Variants in IL1RAPL2 observed in about 807,000 individuals in gnomAD.
IL1RAPL2 encodes the protein X-linked interleukin-1 receptor accessory protein-like 2.
IL1RAPL2 carries 3 observed loss-of-function variants against 44.1 expected under a neutral mutation model. That is an observed-to-expected ratio of 0.07 (90% CI 0.03 to 0.18). The LOEUF (loss-of-function observed/expected upper bound fraction) is 0.18. Among genes scored for constraint, IL1RAPL2 ranks in the 10% least tolerant of loss-of-function variants. The pLI is 1.00. For synonymous variants in IL1RAPL2, 181 were observed against 178.8 expected (o/e 1.01, Z -0.10); for missense variants, 391 against 496.4 (o/e 0.79, Z 2.02).
In IL1RAPL2 at chrX:105,455,573, A is replaced by G. The variant is rs1352020842; in HGVS notation, c.698-28740A>G. Among the ~76,000 whole-genome samples, 7 of 112,109 alleles carry G rather than the reference A, an allele frequency of 6.2e-5. No individual in the cohort carries two copies. In the Admixed American group the frequency reaches 6.6e-4, roughly 11 times the overall value. On this transcript the variant is annotated intron_variant, in intron 5 of 10. Transcript: ENST00000372582. ...ATTATCCCAGCATCATTTGTTGAAC[A>G]GGGAATCTTTTCCCCATTGCTTGTT...
intron 6 of IL1RAPL2, among the ~76,000 whole-genome samples, chrX:105,545,220 T>A (rs1478159007): frequency 8.9e-6 from 1 of 112,196 alleles, no homozygotes; most frequent in Non-Finnish European, 1.9e-5. Flanking sequence ...AGGTCTTCCT[T>A]TAGTATTTCT....
At chrX:105,015,235 C>A (rs12036043) in intron 2 of IL1RAPL2, among the ~76,000 whole-genome samples, 2 of 110,211 alleles carry the variant, frequency 1.8e-5, no homozygotes, top group Non-Finnish European at 3.8e-5. Context: ...GGATAGATTG[C>A]AAAAATTTTC....
chrX:105,164,573 CTT>C (rs2033355707), intron 2 of IL1RAPL2, among the ~76,000 whole-genome samples: 1 of 112,420 alleles, frequency 8.9e-6, no homozygotes, highest in South Asian at 3.7e-4. Context: ...CAAGAGCTCT[CTT>C]AAGTTATTGC....
intron 1 of IL1RAPL2, among the ~76,000 whole-genome samples, chrX:104,635,718 A>C (rs1929785830): frequency 9.0e-6 from 1 of 110,748 alleles, no homozygotes; most frequent in Non-Finnish European, 1.9e-5. Flanking sequence ...ACTTCTCTGC[A>C]TTGGTTATTC....
At chrX:105,556,324 C>T (rs1364320692) in intron 6 of IL1RAPL2, among the ~76,000 whole-genome samples, 3 of 111,646 alleles carry the variant, frequency 2.7e-5, no homozygotes, top group Non-Finnish European at 5.7e-5. Context: ...GGTAGTACCA[C>T]CATTTAATGT....
chrX:105,444,260 A>G (rs2035940091), intron 5 of IL1RAPL2, among the ~76,000 whole-genome samples: 1 of 111,586 alleles, frequency 9.0e-6, no homozygotes, highest in African/African-American at 3.3e-5. Context: ...TCAGATGGGT[A>G]ATTTGCAAAT....
intron 5 of IL1RAPL2, among the ~76,000 whole-genome samples, chrX:105,404,184 C>G (rs904997087): frequency 1.8e-5 from 2 of 111,869 alleles, no homozygotes; most frequent in African/African-American, 6.5e-5. Flanking sequence ...GTTCCTCCAA[C>G]CACAGAGATG....
At chrX:104,602,611 T>A (rs1928907374) in intron 1 of IL1RAPL2, among the ~76,000 whole-genome samples, 1 of 111,095 alleles carries the variant, frequency 9.0e-6, no homozygotes, top group African/African-American at 3.3e-5. Flanking sequence ...ACAGCAGCAG[T>A]CTGAGATCGA....
chrX:105,380,838 G>A (rs1425604532), intron 5 of IL1RAPL2, among the ~76,000 whole-genome samples: 1 of 111,200 alleles, frequency 9.0e-6, no homozygotes, highest in Non-Finnish European at 1.9e-5. Context: ...CTTCCTCTGA[G>A]GCTGTAGTGT....
intron 2 of IL1RAPL2, among the ~76,000 whole-genome samples, chrX:104,757,791 T>A (rs1269839419): frequency 8.9e-6 from 1 of 111,737 alleles, no homozygotes; most frequent in African/African-American, 3.2e-5. Context: ...AATAAAACAA[T>A]AAATACCATT....
chrX:105,746,003 C>A (rs2038538203), intron 8 of IL1RAPL2, among the ~76,000 whole-genome samples: 1 of 111,910 alleles, frequency 8.9e-6, no homozygotes, highest in Non-Finnish European at 1.9e-5. Context: ...CTTATATAAT[C>A]ACCTTGGGGG....
intron 6 of IL1RAPL2, among the ~76,000 whole-genome samples, chrX:105,632,856 A>G (rs760340168): frequency 3.6e-5 from 4 of 111,905 alleles, no homozygotes; most frequent in Non-Finnish European, 5.6e-5. Flanking sequence ...CTAATCATGC[A>G]TGCCAGTTCT....
chrX:105,174,866 CA>C (rs1327073356), intron 2 of IL1RAPL2, among the ~76,000 whole-genome samples: 1 of 111,454 alleles, frequency 9.0e-6, no homozygotes, highest in Non-Finnish European at 1.9e-5. Context: ...ACTGATATAA[CA>C]ATAAGATCGC....
intron 2 of IL1RAPL2, among the ~76,000 whole-genome samples, chrX:105,041,249 T>C (rs2031730009): frequency 9.0e-6 from 1 of 111,465 alleles, no homozygotes; most frequent in African/African-American, 3.3e-5. Context: ...AGAGATAGTT[T>C]GTTATAATTT....
chrX:104,938,903 G>A (rs1362295988), intron 2 of IL1RAPL2, among the ~76,000 whole-genome samples: 1 of 111,706 alleles, frequency 9.0e-6, no homozygotes, highest in Non-Finnish European at 1.9e-5. Flanking sequence ...CATTATGAAT[G>A]TAGTCATTAC....
At chrX:105,147,193 T>C in intron 2 of IL1RAPL2, among the ~76,000 whole-genome samples, 1 of 111,715 alleles carries the variant, frequency 9.0e-6, no homozygotes. Context: ...TAACATGTTA[T>C]CTTTAGTTTC....
chrX:104,743,518 C>A (rs1932128193), intron 2 of IL1RAPL2, among the ~76,000 whole-genome samples: 1 of 110,117 alleles, frequency 9.1e-6, no homozygotes, highest in African/African-American at 3.3e-5. Flanking sequence ...ATTATTAATT[C>A]AAAAAACTTC....
chrX:105,417,282 G>A (rs1372611082), intron 5 of IL1RAPL2, among the ~76,000 whole-genome samples: 1 of 112,061 alleles, frequency 8.9e-6, no homozygotes, highest in Non-Finnish European at 1.9e-5. Context: ...AAGACAGCCT[G>A]GCCGACATGG....
intron 2 of IL1RAPL2, among the ~76,000 whole-genome samples, chrX:105,171,518 T>C (rs750729213): frequency 2.7e-5 from 3 of 110,924 alleles, no homozygotes; most frequent in Non-Finnish European, 5.7e-5. Context: ...GCTAGGTTTA[T>C]ATTCTGAAGG....
Sources: gnomAD v4.1 joint callset for allele counts (sites outside exome capture counted in the v4.1 genomes callset) on GRCh38, gnomAD v4.1.1 for gene constraint, MANE v1.5 for transcripts, NCBI Gene and HGNC (gene_info 2026-07-23, HGNC 2026-07-21) for gene names.